Variants in EIF2S1 observed in about 807,000 individuals in gnomAD.
The protein encoded by EIF2S1 is eukaryotic translation initiation factor 2 subunit 1.
EIF2S1 carries 5 observed loss-of-function variants against 33.5 expected under a neutral mutation model. That is an observed-to-expected ratio of 0.15 (90% confidence interval 0.08 to 0.31). The LOEUF is 0.31. Ranked by LOEUF, EIF2S1 falls within the 10% of genes least tolerant of loss-of-function variation. The pLI is 1.00. For synonymous variants in EIF2S1, 99 were observed against 127.5 expected (o/e 0.78, Z 1.51); for missense variants, 191 against 384.6 (o/e 0.50, Z 4.21).
intron 2 of EIF2S1, among the ~76,000 whole-genome samples, chr14:67,371,225 G>A (rs1355580045): frequency 2.6e-5 from 4 of 152,028 alleles, no homozygotes; most frequent in Non-Finnish European, 5.9e-5. Flanking sequence ...GACCAGCCTG[G>A]CAATATAGGG....
intron 2 of EIF2S1, among the ~76,000 whole-genome samples, chr14:67,370,034 C>G (rs570235508): frequency 6.6e-6 from 1 of 152,310 alleles, no homozygotes; most frequent in East Asian, 1.9e-4. Context: ...TCTATAGATA[C>G]TAAATTAACT....
intron 6 of EIF2S1, 34 bp from the exon 7 acceptor site, chr14:67,382,413 C>T (rs765373575): frequency 1.8e-5 from 28 of 1,584,316 alleles, no homozygotes; most frequent in Admixed American, 5.2e-5. Flanking sequence ...TCTGTAGGTA[C>T]ATTCATAAAT....
At chr14:67,374,398 C>T (rs2085845659) in intron 2 of EIF2S1, 70 bp from the exon 3 acceptor site, 2 of 890,614 alleles carry the variant, frequency 2.2e-6, no homozygotes, top group Admixed American at 2.7e-5. Flanking sequence ...TTAATTTGGT[C>T]TTCAAAGCTG....
chr14:67,369,553 T>C (rs1280633459), intron 2 of EIF2S1, among the ~76,000 whole-genome samples: 1 of 152,162 alleles, frequency 6.6e-6, no homozygotes, highest in African/African-American at 2.4e-5. Flanking sequence ...TTCACCAAGA[T>C]AGACAATAAG....
intron 1 of EIF2S1, among the ~76,000 whole-genome samples, chr14:67,361,123 A>T (rs1185741433): frequency 6.6e-6 from 1 of 152,268 alleles, no homozygotes; most frequent in East Asian, 1.9e-4. Context: ...AGTTAAGCAT[A>T]ACTAAAACCT....
At chr14:67,380,369 G>GGGAC (rs2085881512) in intron 4 of EIF2S1, among the ~76,000 whole-genome samples, 1 of 152,020 alleles carries the variant, frequency 6.6e-6, no homozygotes, top group Admixed American at 6.6e-5. Context: ...CCTTGAGGCA[G>GGGAC]GGACAGCTAA....
chr14:67,362,917 A>G (rs1485234264), intron 1 of EIF2S1, among the ~76,000 whole-genome samples: 1 of 152,146 alleles, frequency 6.6e-6, no homozygotes, highest in Non-Finnish European at 1.5e-5. Flanking sequence ...TTTATGTTGC[A>G]AAGAGACTTG....
intron 2 of EIF2S1, among the ~76,000 whole-genome samples, chr14:67,367,829 T>A (rs1370985668): frequency 1.3e-5 from 2 of 151,414 alleles, no homozygotes; most frequent in Admixed American, 6.6e-5. Flanking sequence ...GAACCAGACC[T>A]TGTCTCAAAA....
At chr14:67,366,212 C>G (rs2085777617) in intron 2 of EIF2S1, among the ~76,000 whole-genome samples, 1 of 151,844 alleles carries the variant, frequency 6.6e-6, no homozygotes, top group Non-Finnish European at 1.5e-5. Context: ...TCCCAAGTAG[C>G]TGGAACTACA....
intron 1 of EIF2S1, among the ~76,000 whole-genome samples, chr14:67,362,011 TTTTTTTC>T (rs1170872924): frequency 0.069 from 10,257 of 148,240 alleles, 612 homozygotes; most frequent in African/African-American, 0.2. Context: ...GAGTCTTTTT[TTTTTTTC>T]TTTTTTCTTT....
intron 1 of EIF2S1, 115 bp from the exon 2 acceptor site, chr14:67,364,652 A>G: frequency 9.4e-7 from 1 of 1,059,188 alleles, no homozygotes. Flanking sequence ...GAAGACTAAG[A>G]CTAATAACTA....
At chr14:67,381,288 CTTATA>C (rs1198635180) in intron 5 of EIF2S1, among the ~76,000 whole-genome samples, 2 of 152,190 alleles carry the variant, frequency 1.3e-5, no homozygotes, top group African/African-American at 2.4e-5. Context: ...AATTAGCACC[CTTATA>C]TTATACATAC....
intron 2 of EIF2S1, among the ~76,000 whole-genome samples, chr14:67,369,201 A>G (rs1336300827): frequency 4.6e-5 from 7 of 152,246 alleles, no homozygotes; most frequent in Admixed American, 3.9e-4. Flanking sequence ...TATGCAGACA[A>G]TACCTTAAGG....
intron 2 of EIF2S1, among the ~76,000 whole-genome samples, chr14:67,366,752 A>G (rs780857892): frequency 6.6e-6 from 1 of 152,110 alleles, no homozygotes; most frequent in Non-Finnish European, 1.5e-5. Context: ...CTGAACAAGT[A>G]TGAAAAATAA....
intron 2 of EIF2S1, among the ~76,000 whole-genome samples, chr14:67,371,519 A>G (rs978720549): frequency 1.3e-5 from 2 of 152,180 alleles, no homozygotes; most frequent in African/African-American, 4.8e-5. Context: ...TTATCATGCA[A>G]ATTTCATAGA....
intron 2 of EIF2S1, among the ~76,000 whole-genome samples, chr14:67,369,891 A>G (rs886472401): frequency 2.6e-5 from 4 of 152,206 alleles, no homozygotes; most frequent in African/African-American, 9.6e-5. Flanking sequence ...CGCTAGAGGA[A>G]TTAAAGACAC....
chr14:67,380,054 A>G (rs1260280206), intron 4 of EIF2S1, among the ~76,000 whole-genome samples: 1 of 152,182 alleles, frequency 6.6e-6, no homozygotes, highest in Non-Finnish European at 1.5e-5. Flanking sequence ...ACTGGTGCCC[A>G]GCCTTATGTA....
chr14:67,383,742 C>T lies in EIF2S1; in HGVS notation c.*302C>T, dbSNP rs1465119865. 10 of 347,084 alleles carry T rather than the reference C, an allele frequency of 2.9e-5. No homozygotes were observed. Among genetic ancestry groups the T allele is most frequent in the South Asian group, 1.9e-4 (8 of 41,910 alleles). 21.5% of individuals were successfully genotyped at this position (347,084 alleles called of 1,614,324 possible). A position where few individuals can be genotyped will look rare whatever the true frequency, so the allele number is the denominator to read the frequency against. Reference sequence around the variant, plus strand: ...TCCATTTCTGATGTCTCCAGATTGGCACCCCTTTCTAGTTCAATGCCTCAC... The same window carrying T: ...TCCATTTCTGATGTCTCCAGATTGGTACCCCTTTCTAGTTCAATGCCTCAC... On this transcript the variant is annotated 3_prime_UTR_variant, in exon 8 of 8. Coordinates refer to ENST00000256383, the MANE Select transcript of EIF2S1 (RefSeq NM_004094.5).
Position 67,385,246 on chromosome 14 carries a change from C to G in EIF2S1, c.*1806C>G, listed in dbSNP as rs2085914107. 6.6e-6 allele frequency: 1 copy of G among 152,254 alleles called. No individual in the cohort carries two copies. The highest frequency in any genetic ancestry group is 2.1e-4 in the South Asian group (1 of 4,824). The allele number at this position is 152,254 out of a possible 1,614,324, so 9.4% of individuals were successfully genotyped here. ...TACATATGAGGACAAGGTATACACC[C>G]AGTTCTGAATAACTTGAAGAACAGG... On this transcript the variant is annotated 3_prime_UTR_variant, in exon 8 of 8. Transcript: ENST00000256383.
Sources: allele counts gnomAD v4.1 joint callset (sites outside exome capture counted in the v4.1 genomes callset), GRCh38; gene constraint gnomAD v4.1.1; transcripts MANE v1.5; gene names NCBI Gene and HGNC (gene_info 2026-07-23, HGNC 2026-07-21).